Variants in CCDC68 observed in about 807,000 individuals in gnomAD.
CCDC68 encodes coiled-coil domain-containing protein 68.
In CCDC68, 45 loss-of-function variants were observed where a neutral mutation model predicts 47.1. That is an observed-to-expected ratio of 0.96 (90% CI 0.75 to 1.23). The LOEUF (loss-of-function observed/expected upper bound fraction) is 1.23. Ranked by LOEUF, CCDC68 falls within the 50% of genes most tolerant of loss-of-function variation. The pLI is 0.00. For synonymous variants in CCDC68, 131 were observed against 129.5 expected, an observed-to-expected ratio of 1.01 and a Z score of -0.08; for missense variants, 353 against 373.6, an observed-to-expected ratio of 0.94 and a Z score of 0.45.
intron 8 of CCDC68, among the ~76,000 whole-genome samples, chr18:54,925,983 G>A (rs2044138552): frequency 6.6e-6 from 1 of 152,038 alleles, no homozygotes; most frequent in Non-Finnish European, 1.5e-5. Flanking sequence ...TTCATTGGTG[G>A]TACCAAAGGG....
chr18:54,927,999 A>G (rs892178363), intron 8 of CCDC68, among the ~76,000 whole-genome samples: 5 of 152,240 alleles, frequency 3.3e-5, no homozygotes, highest in Non-Finnish European at 7.3e-5. Flanking sequence ...AATTCTGTCC[A>G]TAATGGTGCC....
In CCDC68 at chr18:54,934,813, G is replaced by A. The variant is rs202091256; in HGVS notation, c.600+7C>T. 59 of 1,506,722 alleles carry A rather than the reference G, an allele frequency of 3.9e-5. No homozygotes were observed. Among genetic ancestry groups the A allele is most frequent in the Non-Finnish European group, 3.8e-5 (43 of 1,129,158 alleles). The allele number at this position is 1,506,722 out of a possible 1,614,324, so 93.3% of individuals were successfully genotyped here. A position where few individuals can be genotyped will look rare whatever the true frequency, so the allele number is the denominator to read the frequency against. ...TAAGAAAATCCTCTAATTCTCCAGG[G>A]GCGTACCTTTTCCATTCTCTGTACA... On this transcript the variant is annotated splice_region_variant and intron_variant, in intron 7 of 11. Transcript: ENST00000591504.
chr18:54,954,187 C>G (rs1011516283), intron 1 of CCDC68, among the ~76,000 whole-genome samples: 2 of 151,856 alleles, frequency 1.3e-5, no homozygotes, highest in Admixed American at 6.6e-5. Flanking sequence ...TCCCGAGTAG[C>G]TGGGACTACA....
intron 1 of CCDC68, among the ~76,000 whole-genome samples, chr18:54,947,236 A>G (rs942708086): frequency 2.0e-5 from 3 of 152,236 alleles, no homozygotes; most frequent in Admixed American, 6.5e-5. Flanking sequence ...GTCTTATGCT[A>G]GAATGGATTG....
intron 3 of CCDC68, 47 bp downstream of exon 3, chr18:54,942,628 C>T (rs1317458157): frequency 8.5e-7 from 1 of 1,173,858 alleles, no homozygotes; most frequent in Non-Finnish European, 1.2e-6. Context: ...ATTGGAATTT[C>T]TCTTTAAAAA....
At chr18:54,942,600 C>G (rs1287352374) in intron 3 of CCDC68, 75 bp downstream of exon 3, 9 of 910,898 alleles carry the variant, frequency 9.9e-6, no homozygotes, top group African/African-American at 8.5e-5. Flanking sequence ...GAGAGGGAAA[C>G]AAAATCCTCC....
At chr18:54,953,796 C>A (rs557199109) in intron 1 of CCDC68, among the ~76,000 whole-genome samples, 1 of 152,270 alleles carries the variant, frequency 6.6e-6, no homozygotes, top group South Asian at 2.1e-4. Context: ...ATATTTCCAA[C>A]AAGCTTTAAA....
In CCDC68 at chr18:54,928,808, A is replaced by G. The variant is rs1036872051; in HGVS notation, c.675T>C (p.Tyr225=). 3 of 1,609,130 alleles carry G rather than the reference A, an allele frequency of 1.9e-6. No individual in the cohort carries two copies. The highest frequency in any genetic ancestry group is 2.7e-5 in the African/African-American group (2 of 74,796). The part of the protein sequence containing the change: ...KLLQLKSSAT[Y]GKSCQDLQRE... ...CAGGTAGCTTCACAAACCTTTTTCCATATGTAGCACTGGATTTGAGTTGCA... is the reference window on the plus strand; with the variant it reads ...CAGGTAGCTTCACAAACCTTTTTCCGTATGTAGCACTGGATTTGAGTTGCA... Residue 225 remains tyrosine, a synonymous_variant, in exon 8 of 12, where the codon TAT becomes TAC. Coordinates refer to ENST00000591504, the MANE Select transcript of CCDC68 (RefSeq NM_025214.3).
In CCDC68 at chr18:54,901,718, T is replaced by C. The variant is rs938858717; in HGVS notation, c.*2640A>G. 6.6e-6 allele frequency: 1 copy of C among 152,198 alleles called. No homozygotes were observed. The highest frequency in any genetic ancestry group is 2.4e-5 in the African/African-American group (1 of 41,448). The allele number at this position is 152,198 out of a possible 1,614,324, so 9.4% of individuals were successfully genotyped here. Reference sequence around the variant, plus strand: ...TTCTTTTCCTGACTTCATGTATGAATTTCAGACCCACCTCAGACCTTCTTA... The same window carrying C: ...TTCTTTTCCTGACTTCATGTATGAACTTCAGACCCACCTCAGACCTTCTTA... On this transcript the variant is annotated 3_prime_UTR_variant, in exon 12 of 12. Transcript: ENST00000591504.
chr18:54,947,504 C>A (rs1198349328), intron 1 of CCDC68, among the ~76,000 whole-genome samples: 1 of 152,244 alleles, frequency 6.6e-6, no homozygotes, highest in African/African-American at 2.4e-5. Flanking sequence ...TTCTGCCACT[C>A]CATACCTGTG....
chr18:54,914,899 AT>A (rs1308545740), intron 10 of CCDC68, among the ~76,000 whole-genome samples: 1 of 152,370 alleles, frequency 6.6e-6, no homozygotes, highest in South Asian at 2.1e-4. Context: ...CAGCTGAATA[AT>A]GTACAGCGTC....
At chr18:54,913,167 A>C (rs980509177) in intron 10 of CCDC68, among the ~76,000 whole-genome samples, 1 of 152,208 alleles carries the variant, frequency 6.6e-6, no homozygotes, top group Non-Finnish European at 1.5e-5. Flanking sequence ...TCAGATCCTC[A>C]GTTTTGTCAC....
At chr18:54,904,474 C>T (rs1462466114) in intron 11 of CCDC68, 59 bp from the exon 12 acceptor site, 2 of 1,321,846 alleles carry the variant, frequency 1.5e-6, no homozygotes, top group South Asian at 1.2e-5. Context: ...GTGATTATGG[C>T]TAGACTACCA....
At chr18:54,958,262 C>T (rs2044746906) in intron 1 of CCDC68, among the ~76,000 whole-genome samples, 1 of 152,156 alleles carries the variant, frequency 6.6e-6, no homozygotes. Flanking sequence ...CAGGGGCCTT[C>T]CCTCTCAAAT....
intron 1 of CCDC68, among the ~76,000 whole-genome samples, chr18:54,946,577 C>T (rs2044531624): frequency 6.6e-6 from 1 of 152,202 alleles, no homozygotes; most frequent in Admixed American, 6.5e-5. Flanking sequence ...TAGAATGAAT[C>T]CCACTGCCTT....
chr18:54,942,861 T>C (rs556169035), intron 2 of CCDC68, 58 bp from the exon 3 acceptor site: 12 of 937,256 alleles, frequency 1.3e-5, no homozygotes, highest in East Asian at 2.4e-5. Context: ...TATGATTATA[T>C]GGTTCATAAA....
chr18:54,953,974 TCCCCTC>T (rs2044665179), intron 1 of CCDC68, among the ~76,000 whole-genome samples: 1 of 9,354 alleles, frequency 1.1e-4, no homozygotes, highest in Non-Finnish European at 2.1e-4. Flanking sequence ...GCCAGGACCC[TCCCCTC>T]CCCTCCCCTC....
Position 54,934,893 on chromosome 18 carries a change from T to A in CCDC68, c.527A>T (p.Gln176Leu). 1 of 1,602,982 alleles carries A rather than the reference T, an allele frequency of 6.2e-7. No homozygotes were observed. The highest frequency in any genetic ancestry group is 8.5e-7 in the Non-Finnish European group (1 of 1,175,200). Residue 176 changes from glutamine (Q) to leucine (L), a missense_variant, in exon 7 of 12, where the codon CAA (glutamine) becomes CTA (leucine). Transcript: ENST00000591504. ...KLKQHVENLN[Q>L]VAEKLEEKHS... ...TTTTTCTTCAAGTTTTTCAGCAACT[T>A]GATTCAGATTTTCAACATGTTGTTT...
intron 8 of CCDC68, among the ~76,000 whole-genome samples, chr18:54,920,220 T>G (rs1406005426): frequency 7.2e-6 from 1 of 139,620 alleles, no homozygotes; most frequent in Non-Finnish European, 1.5e-5. Flanking sequence ...ATCCCAATTC[T>G]GTTTCTTTCT....
Sources: gnomAD v4.1 joint callset for allele counts (sites outside exome capture counted in the v4.1 genomes callset) on GRCh38, gnomAD v4.1.1 for gene constraint, MANE v1.5 for transcripts, NCBI Gene and HGNC (gene_info 2026-07-23, HGNC 2026-07-21) for gene names.